The following ALK variants were observed in gnomAD, a reference collection of about 807,000 sequenced individuals.
ALK encodes ALK receptor tyrosine kinase.
A neutral mutation model predicts 163.1 loss-of-function variants in ALK; 74 were observed. That is an observed-to-expected ratio of 0.45 (90% CI 0.38 to 0.55). The LOEUF is 0.55. Among genes scored for constraint, ALK ranks in the 20% least tolerant of loss-of-function variants. ALK has a pLI of 0.00. For missense variants in ALK, 2,063 were observed against 2,105.3 expected, an observed-to-expected ratio of 0.98 and a Z score of 0.39; for synonymous variants, 960 against 843.2, an observed-to-expected ratio of 1.14 and a Z score of -2.40.
At chr2:29,220,590 G>A in intron 23 of ALK, 116 bp downstream of exon 23, 1 of 1,477,460 alleles carries the variant, frequency 6.8e-7, no homozygotes. Flanking sequence ...CAAGCCTAAA[G>A]TTGACACCCT....
Position 29,433,103 on chromosome 2 carries a change from T to C in ALK, c.1155-49244A>G, listed in dbSNP as rs547355767. ...TTATTTCCAAAGTGACCAGGCAAAG[T>C]TTAACAATAACTAGGGGCTGTTATG... On this transcript the variant is annotated intron_variant, in intron 4 of 28. Transcript: ENST00000389048. Among the ~76,000 whole-genome samples, 4 of 152,306 alleles carry C rather than the reference T, an allele frequency of 2.6e-5. No homozygotes were observed. In the East Asian group the frequency reaches 7.7e-4, roughly 29 times the overall value.
intron 5 of ALK, among the ~76,000 whole-genome samples, chr2:29,364,728 G>T (rs890935784): frequency 6.6e-6 from 1 of 152,108 alleles, no homozygotes. Flanking sequence ...CGTGGGTGAC[G>T]GAGCAATCCT....
intron 4 of ALK, among the ~76,000 whole-genome samples, chr2:29,406,234 G>C (rs933081460): frequency 6.6e-6 from 1 of 152,186 alleles, no homozygotes; most frequent in African/African-American, 2.4e-5. Flanking sequence ...GGCCTCTATA[G>C]CAAAGGCTGA....
chr2:29,297,159 T>C, intron 8 of ALK, 102 bp from the exon 9 acceptor site: 2 of 1,399,966 alleles, frequency 1.4e-6, no homozygotes, highest in Non-Finnish European at 2.0e-6. Context: ...GAGACTCAGC[T>C]GAGTTCAGCC....
chr2:29,724,805 AT>A (rs1679523689), intron 1 of ALK, among the ~76,000 whole-genome samples: 1 of 152,096 alleles, frequency 6.6e-6, no homozygotes, highest in Non-Finnish European at 1.5e-5. Flanking sequence ...CAAGGGCGGA[AT>A]TTGGATGGAA....
intron 15 of ALK, 61 bp from the exon 16 acceptor site, chr2:29,229,127 G>C (rs1013941858): frequency 6.5e-6 from 10 of 1,533,244 alleles, no homozygotes; most frequent in Non-Finnish European, 9.0e-6. Context: ...AGCCATGCTG[G>C]CCAGAGAAGC....
intron 5 of ALK, among the ~76,000 whole-genome samples, chr2:29,330,590 T>A (rs1411054142): frequency 6.6e-6 from 1 of 152,172 alleles, no homozygotes; most frequent in South Asian, 2.1e-4. Context: ...GACCCCCAAA[T>A]AGACACATCC....
chr2:29,728,383 C>T (rs916693540), intron 1 of ALK, among the ~76,000 whole-genome samples: 18 of 152,204 alleles, frequency 1.2e-4, no homozygotes, highest in African/African-American at 3.9e-4. Flanking sequence ...TCCTATGTGC[C>T]GAGCTCTGCC....
chr2:29,323,752 G>A (rs1667148839), intron 6 of ALK, among the ~76,000 whole-genome samples: 1 of 152,190 alleles, frequency 6.6e-6, no homozygotes, highest in South Asian at 2.1e-4. Context: ...AAGGCCAATT[G>A]CTGAGCAAAA....
chr2:29,218,583 G>C (rs781024561), intron 23 of ALK, among the ~76,000 whole-genome samples: 2 of 152,138 alleles, frequency 1.3e-5, no homozygotes, highest in Non-Finnish European at 1.5e-5. Context: ...AGGGGAGAGA[G>C]GGAGAGATAG....
chr2:29,439,173 T>A (rs1670475125), intron 4 of ALK, among the ~76,000 whole-genome samples: 1 of 152,228 alleles, frequency 6.6e-6, no homozygotes, highest in African/African-American at 2.4e-5. Flanking sequence ...TCTTCTCACA[T>A]CTGGAATTCA....
intron 4 of ALK, among the ~76,000 whole-genome samples, chr2:29,525,723 G>C (rs1258625402): frequency 6.8e-6 from 1 of 146,792 alleles, no homozygotes; most frequent in Admixed American, 7.0e-5. Context: ...CCAGGAGACG[G>C]AGGCTGGCAG....
intron 5 of ALK, among the ~76,000 whole-genome samples, chr2:29,370,462 G>A (rs1035648576): frequency 2.0e-5 from 3 of 152,194 alleles, no homozygotes; most frequent in South Asian, 2.1e-4. Context: ...TGGGCTGCCC[G>A]TCCCTGTAGC....
chr2:29,823,820 T>C (rs1468350094), intron 1 of ALK, among the ~76,000 whole-genome samples: 1 of 152,064 alleles, frequency 6.6e-6, no homozygotes, highest in African/African-American at 2.4e-5. Context: ...GAAAAGAAAA[T>C]CCCATTTTCT....
chr2:29,903,769 C>T (rs1335913045), intron 1 of ALK, among the ~76,000 whole-genome samples: 5 of 152,230 alleles, frequency 3.3e-5, no homozygotes, highest in Non-Finnish European at 1.5e-5. Context: ...GTAAGCAGCT[C>T]TTATCATAAT....
At chr2:29,794,455 C>T (rs1280877193) in intron 1 of ALK, among the ~76,000 whole-genome samples, 1 of 152,132 alleles carries the variant, frequency 6.6e-6, no homozygotes, top group Non-Finnish European at 1.5e-5. Context: ...ATTTTCCTTT[C>T]CATCACACTT....
rs748501104 is a variant in ALK, at chr2:29,318,372, G to T, written c.1579C>A (p.Pro527Thr). 2 of 1,613,864 alleles carry T rather than the reference G, an allele frequency of 1.2e-6. No homozygotes were observed. The highest frequency in any genetic ancestry group is 3.3e-5 in the Admixed American group (2 of 60,010). Reference protein sequence around the residue: ...HALLLSTTDVPASESATVTSA... With the variant: ...HALLLSTTDVTASESATVTSA... ...GTCACTGTAGCACTTTCAGAAGCGG[G>T]GACATCAGTGGTACTGAGCAATAGA... is the stretch of plus-strand genomic sequence containing the variant. Residue 527 changes from proline to threonine, a missense_variant, in exon 8 of 29, where the codon CCC (proline) becomes ACC (threonine). By Grantham distance (38) the Pro-to-Thr change is conservative. Transcript: ENST00000389048.
intron 3 of ALK, among the ~76,000 whole-genome samples, chr2:29,613,548 C>T (rs1002797996): frequency 2.6e-5 from 4 of 152,148 alleles, no homozygotes; most frequent in Admixed American, 6.5e-5. Context: ...TTCCTTGTTG[C>T]GGACCTCAGC....
At chr2:29,818,049 A>G (rs543816615) in intron 1 of ALK, among the ~76,000 whole-genome samples, 27 of 152,340 alleles carry the variant, frequency 1.8e-4, no homozygotes, top group African/African-American at 5.3e-4. Context: ...AACAAAGTGC[A>G]TTACAGATAC....
Sources: allele counts gnomAD v4.1 joint callset (sites outside exome capture counted in the v4.1 genomes callset), GRCh38; gene constraint gnomAD v4.1.1; transcripts MANE v1.5; gene names NCBI Gene and HGNC (gene_info 2026-07-23, HGNC 2026-07-21).